Variants in PTPRZ1 observed in about 807,000 individuals in gnomAD.
PTPRZ1 encodes receptor-type tyrosine-protein phosphatase zeta.
Under a neutral mutation model 214.1 loss-of-function variants are expected in PTPRZ1, and 82 were observed. That is an observed-to-expected ratio of 0.38 (90% CI 0.32 to 0.46). PTPRZ1 has a LOEUF of 0.46. PTPRZ1 is among the 20% of genes least tolerant of loss of function. The pLI is 1.00. For missense variants in PTPRZ1, 2,603 were observed against 2,748.7 expected, an observed-to-expected ratio of 0.95 and a Z score of 1.19; for synonymous variants, 945 against 987.9, an observed-to-expected ratio of 0.96 and a Z score of 0.81.
intron 12 of PTPRZ1, among the ~76,000 whole-genome samples, chr7:122,014,496 T>C (rs1481288082): frequency 2.0e-5 from 3 of 152,106 alleles, no homozygotes; most frequent in African/African-American, 7.2e-5. Context: ...TGGAGTGCAG[T>C]GGTGCAATCT....
At chr7:122,025,443 C>T (rs1799182659) in intron 13 of PTPRZ1, among the ~76,000 whole-genome samples, 1 of 151,472 alleles carries the variant, frequency 6.6e-6, no homozygotes, top group African/African-American at 2.4e-5. Flanking sequence ...AATTCTTCTG[C>T]CTCAGCCTCT....
At chr7:122,002,865 G>T (rs966906715) in intron 10 of PTPRZ1, among the ~76,000 whole-genome samples, 2 of 152,122 alleles carry the variant, frequency 1.3e-5, no homozygotes, top group African/African-American at 2.4e-5. Flanking sequence ...GCCATTATGA[G>T]CATTAAATAT....
chr7:121,880,862 G>C (rs1440937693), intron 1 of PTPRZ1, among the ~76,000 whole-genome samples: 1 of 152,152 alleles, frequency 6.6e-6, no homozygotes, highest in Non-Finnish European at 1.5e-5. Flanking sequence ...GCAAAATCAT[G>C]ATCTGCCCAA....
chr7:121,929,748 C>T lies in PTPRZ1; in HGVS notation c.124+1527C>T, dbSNP rs531674261. 2.6e-5 allele frequency among the ~76,000 whole-genome samples: 4 copies of T among 151,344 alleles called. No individual in the cohort carries two copies. The East Asian group carries it at 7.8e-4, about 29-fold the overall frequency. On this transcript the variant is annotated intron_variant, in intron 2 of 29. Transcript: ENST00000393386. ...GCTTGAACCCAGGAGGCGGAGGTTG[C>T]AGTGAGCCGAGATCACGCCACTGCA... is the stretch of plus-strand genomic sequence containing the variant.
In PTPRZ1 at chr7:122,013,226, T is replaced by C; in HGVS notation, c.4180T>C (p.Phe1394Leu). Residue 1394 changes from phenylalanine (F) to leucine (L), a missense_variant, in exon 12 of 30, where the codon TTT becomes CTT. By Grantham distance (22) the Phe-to-Leu change is conservative. This residue lies in a region of PTPRZ1 where 1,913 missense variants were observed against 1,914.3 expected (regional missense o/e 1.00). Coordinates refer to ENST00000393386, the MANE Select transcript of PTPRZ1 (RefSeq NM_002851.3). ...DGSVTSTKLL[F>L]PSKATSELSH... ...TTCTGTAACCTCAACAAAGTTGCTGTTTCCTTCTAAGGCAACTTCTGAGCT... is the reference window on the plus strand; with the variant it reads ...TTCTGTAACCTCAACAAAGTTGCTGCTTCCTTCTAAGGCAACTTCTGAGCT... 1 of 1,614,198 alleles carries C rather than the reference T, an allele frequency of 6.2e-7. No individual in the cohort carries two copies.
rs4988976 is a variant in PTPRZ1 at position 121,873,328 on chromosome 7, T to A, written c.-172T>A. The A allele has an allele frequency of 2.6e-3, 1,372 of 527,228 alleles. No homozygotes were observed. The highest frequency in any genetic ancestry group is 7.0e-3 in the South Asian group (276 of 39,656). The allele number at this position is 527,228 out of a possible 1,614,324, so 32.7% of individuals were successfully genotyped here. A position where few individuals can be genotyped will look rare whatever the true frequency, so the allele number is the denominator to read the frequency against. ...GTCTCTGTCTCTGTCTCTCTCTCTC[T>A]CACACACACACACACACACACAAAC... On this transcript the variant is annotated 5_prime_UTR_variant, in exon 1 of 30. Transcript: ENST00000393386.
At chr7:121,910,640 TA>T (rs1418128367) in intron 1 of PTPRZ1, among the ~76,000 whole-genome samples, 1 of 151,570 alleles carries the variant, frequency 6.6e-6, no homozygotes, top group African/African-American at 2.4e-5. Context: ...AAGAAAAGAC[TA>T]AAAAAGGAAG....
Position 122,038,886 on chromosome 7 carries a change from A to G in PTPRZ1, c.5499A>G (p.Gly1833=). 1 of 1,613,888 alleles carries G rather than the reference A, an allele frequency of 6.2e-7. No homozygotes were observed. Among genetic ancestry groups the G allele is most frequent in the South Asian group, 1.1e-5 (1 of 91,048 alleles). The part of the protein sequence containing the change: ...IVMITNLVEK[G]RRKCDQYWPA... Reference sequence around the variant, plus strand: ...TGATAACAAACCTCGTGGAGAAAGGAAGGGTATGTAGATAATCTGTTATGT... The same window carrying G: ...TGATAACAAACCTCGTGGAGAAAGGGAGGGTATGTAGATAATCTGTTATGT... Residue 1833 remains glycine (G), a synonymous_variant, in exon 19 of 30, where the codon GGA becomes GGG. Transcript: ENST00000393386.
At chr7:121,949,219 T>A (rs2116449595) in intron 2 of PTPRZ1, among the ~76,000 whole-genome samples, 2 of 152,310 alleles carry the variant, frequency 1.3e-5, no homozygotes, top group Middle Eastern at 3.4e-3. Flanking sequence ...GAGTTTCTTA[T>A]TAGCCTCCCC....
chr7:121,881,544 T>C (rs1026811494), intron 1 of PTPRZ1, among the ~76,000 whole-genome samples: 3 of 152,188 alleles, frequency 2.0e-5, no homozygotes, highest in Non-Finnish European at 2.9e-5. Flanking sequence ...TAATCTTAGT[T>C]CATTTTTCTT....
intron 8 of PTPRZ1, among the ~76,000 whole-genome samples, chr7:121,990,573 A>G (rs1210599910): frequency 1.5e-5 from 2 of 130,194 alleles, no homozygotes; most frequent in African/African-American, 6.0e-5. Context: ...AGGCTTGAGC[A>G]CAGTGTATCG....
chr7:122,026,562 T>C (rs1799212031), intron 13 of PTPRZ1, among the ~76,000 whole-genome samples: 1 of 152,172 alleles, frequency 6.6e-6, no homozygotes, highest in South Asian at 2.1e-4. Flanking sequence ...TCTGTGGCCC[T>C]CATGTCTCTC....
At chr7:122,002,052 G>A (rs571155354) in intron 10 of PTPRZ1, among the ~76,000 whole-genome samples, 1 of 152,282 alleles carries the variant, frequency 6.6e-6, no homozygotes, top group East Asian at 1.9e-4. Context: ...GAGAGCTTGT[G>A]CCCATCAGCA....
intron 11 of PTPRZ1, among the ~76,000 whole-genome samples, chr7:122,006,057 T>C (rs547898419): frequency 6.6e-5 from 10 of 152,218 alleles, no homozygotes; most frequent in African/African-American, 2.4e-4. Context: ...TACATAAAAC[T>C]ATAATATTGT....
At chr7:121,906,404 T>C (rs940521175) in intron 1 of PTPRZ1, among the ~76,000 whole-genome samples, 3 of 152,178 alleles carry the variant, frequency 2.0e-5, no homozygotes, top group African/African-American at 7.2e-5. Flanking sequence ...CTATATTAAT[T>C]GCCTTCTTAC....
At chr7:122,039,300 C>T (rs748268642) in intron 19 of PTPRZ1, among the ~76,000 whole-genome samples, 154 bp from the exon 20 acceptor site, 4 of 152,174 alleles carry the variant, frequency 2.6e-5, no homozygotes, top group Non-Finnish European at 4.4e-5. Flanking sequence ...GCCTCCTCCA[C>T]AACTAATTTC....
At chr7:122,023,619 A>G (rs1799100647) in intron 13 of PTPRZ1, among the ~76,000 whole-genome samples, 1 of 131,508 alleles carries the variant, frequency 7.6e-6, no homozygotes, top group African/African-American at 2.9e-5. Flanking sequence ...ATATAATTAT[A>G]TATATTATAT....
At chr7:121,974,365 C>A (rs1325241192) in intron 4 of PTPRZ1, among the ~76,000 whole-genome samples, 1 of 152,132 alleles carries the variant, frequency 6.6e-6, no homozygotes, top group Non-Finnish European at 1.5e-5. Flanking sequence ...AAGAAAAATT[C>A]TATCAACAAG....
In PTPRZ1 at chr7:121,972,525, G is replaced by A. The variant is rs375322055; in HGVS notation, c.305-16G>A. On this transcript the variant is annotated splice_polypyrimidine_tract_variant and intron_variant, in intron 3 of 29. Coordinates refer to ENST00000393386, the MANE Select transcript of PTPRZ1 (RefSeq NM_002851.3). The stretch of plus-strand genomic sequence containing the variant: ...GATTTTCAGAAGCTTAGGTGCAATT[G>A]TATTTCTTTTTTTAGTGGAAATTAA... 16 of 1,587,644 alleles carry A rather than the reference G, an allele frequency of 1.0e-5. No homozygotes were observed. In the African/African-American group the frequency reaches 1.8e-4, roughly 18 times the overall value.
Sources: allele counts gnomAD v4.1 joint callset (sites outside exome capture counted in the v4.1 genomes callset), GRCh38; gene constraint gnomAD v4.1.1; regional missense constraint gnomAD v4.1.1; transcripts MANE v1.5; gene names NCBI Gene and HGNC (gene_info 2026-07-23, HGNC 2026-07-21).